The following ANK2 variants were observed in gnomAD, a reference collection of about 807,000 sequenced individuals.
ANK2 encodes ankyrin-2.
ANK2 carries 83 observed loss-of-function variants against 360.5 expected under a neutral mutation model. That is an observed-to-expected ratio of 0.23 (90% CI 0.19 to 0.28). The LOEUF (loss-of-function observed/expected upper bound fraction) is 0.28. ANK2 is among the 10% of genes least tolerant of loss of function. The pLI, the probability that ANK2 is intolerant of heterozygous loss-of-function variation, is 1.00. For synonymous variants in ANK2, 1,740 were observed against 1,759.5 expected (o/e 0.99, Z 0.28); for missense variants, 4,201 against 4,795.7 (o/e 0.88, Z 3.66).
At chr4:113,164,877 A>G (rs1474574208) in intron 1 of ANK2, among the ~76,000 whole-genome samples, 5 of 152,224 alleles carry the variant, frequency 3.3e-5, no homozygotes, top group Non-Finnish European at 7.3e-5. Context: ...GGGAATGAAA[A>G]GAGTTTTGTA....
chr4:113,331,057 C>T (rs541622873), intron 27 of ANK2, among the ~76,000 whole-genome samples: 119 of 152,238 alleles, frequency 7.8e-4, no homozygotes, highest in African/African-American at 2.7e-3. Context: ...CAATTTTGAG[C>T]AGAATTTAGC....
chr4:113,051,581 A>G (rs917333699), intron 1 of ANK2, among the ~76,000 whole-genome samples: 27 of 152,222 alleles, frequency 1.8e-4, no homozygotes, highest in African/African-American at 6.0e-4. Flanking sequence ...TGAGTGTTAA[A>G]AGGAGTTTCA....
chr4:113,363,329 A>G lies in ANK2; in HGVS notation c.10757-9A>G, dbSNP rs2096340478. 1 of 1,612,476 alleles carries G rather than the reference A, an allele frequency of 6.2e-7. No homozygotes were observed. The highest frequency in any genetic ancestry group is 8.5e-7 in the Non-Finnish European group (1 of 1,179,200). On this transcript the variant is annotated splice_polypyrimidine_tract_variant and intron_variant, in intron 39 of 45. Coordinates refer to ENST00000357077, the MANE Select transcript of ANK2 (RefSeq NM_001148.6). ...TAATGTGTTTACAAAGTAGTATTTT[A>G]TCTTCTAGAATTAGCAAGAGAACTG...
the ANK2 span, among the ~76,000 whole-genome samples, chr4:112,757,332 C>G: frequency 6.6e-6 from 1 of 151,990 alleles, no homozygotes. Context: ...GTTGGCCAGG[C>G]TGGTCTCGAA....
chr4:112,915,503 C>G (rs1429814232), intron 2 of ANK2, among the ~76,000 whole-genome samples: 5 of 152,064 alleles, frequency 3.3e-5, no homozygotes, highest in Non-Finnish European at 7.4e-5. Context: ...ATAGTCCCAA[C>G]ACTTTGGGAG....
chr4:112,793,412 A>T, the ANK2 span, among the ~76,000 whole-genome samples: 1 of 152,162 alleles, frequency 6.6e-6, no homozygotes. Context: ...AGAGAATTTA[A>T]TGATACTAAG....
At chr4:112,705,645 G>A in the ANK2 span, among the ~76,000 whole-genome samples, 1 of 152,254 alleles carries the variant, frequency 6.6e-6, no homozygotes, top group Non-Finnish European at 1.5e-5. Flanking sequence ...GAGCGCCCGC[G>A]GAGGAGCCTC....
At chr4:113,233,826 C>G (rs1331442008) in intron 5 of ANK2, among the ~76,000 whole-genome samples, 2 of 151,992 alleles carry the variant, frequency 1.3e-5, no homozygotes, top group East Asian at 3.9e-4. Flanking sequence ...GTTCTCTATT[C>G]AATACACACA....
chr4:113,265,134 A>G, intron 14 of ANK2, 139 bp downstream of exon 14: 1 of 845,222 alleles, frequency 1.2e-6, no homozygotes. Flanking sequence ...GCAGTTTTCC[A>G]GAAAAAAAAA....
intron 1 of ANK2, among the ~76,000 whole-genome samples, chr4:112,863,363 T>C (rs2068785762): frequency 6.6e-6 from 1 of 152,102 alleles, no homozygotes; most frequent in Admixed American, 6.5e-5. Flanking sequence ...AATAATTATG[T>C]ATTACTCCTA....
At chr4:113,367,450 C>T (rs1367364036) in intron 41 of ANK2, 116 bp from the exon 42 acceptor site, 62 of 964,750 alleles carry the variant, frequency 6.4e-5, no homozygotes, top group Non-Finnish European at 8.9e-5. Context: ...GGGCCCATCT[C>T]AGGATGTAGC....
rs369452900 is a variant in ANK2, at chr4:113,304,480, T to C, written c.2548+1641T>C. Among the ~76,000 whole-genome samples, 25 of 152,316 alleles carry C rather than the reference T, an allele frequency of 1.6e-4. No homozygotes were observed. In the East Asian group the frequency reaches 3.5e-3, roughly 21 times the overall value. On this transcript the variant is annotated intron_variant, in intron 23 of 45. Transcript: ENST00000357077. ...CTTAGAAGCCTAAAGTCATGAATTG[T>C]TTGTACTGTTAATGATTTTGCAACT...
chr4:112,783,465 A>G, the ANK2 span, among the ~76,000 whole-genome samples: 2 of 152,084 alleles, frequency 1.3e-5, no homozygotes, highest in South Asian at 4.1e-4. Flanking sequence ...AACTCTCATC[A>G]TTCCCATGCA....
At chr4:113,134,842 C>T (rs548524739) in intron 1 of ANK2, among the ~76,000 whole-genome samples, 2 of 152,092 alleles carry the variant, frequency 1.3e-5, no homozygotes, top group South Asian at 4.2e-4. Flanking sequence ...TAGAACTTTG[C>T]CATGTAGTTT....
At chr4:113,281,350 CA>C (rs2062252960) in intron 17 of ANK2, among the ~76,000 whole-genome samples, 1 of 151,910 alleles carries the variant, frequency 6.6e-6, no homozygotes, top group South Asian at 2.1e-4. Flanking sequence ...CCAGCCTGGG[CA>C]ACATGGTGAA....
the ANK2 span, chr4:112,788,529 C>T: frequency 1.5e-5 from 23 of 1,577,720 alleles, no homozygotes; most frequent in Middle Eastern, 2.3e-4. Context: ...GCTTTCTTCT[C>T]GGCCTGGGCC....
At position 113,358,966 on chromosome 4, in the gene ANK2, A is replaced by G. The variant is rs2096014347; in HGVS notation, c.10348A>G (p.Thr3450Ala). The G allele has an allele frequency of 6.2e-7, 1 of 1,614,094 alleles. No individual in the cohort carries two copies. The highest frequency in any genetic ancestry group is 1.3e-5 in the African/African-American group (1 of 75,044). The change falls in exon 38 of 46, where the codon ACA becomes GCA. Residue 3450 changes from threonine (T) to alanine (A), a missense_variant. Thr to Ala is a moderately conservative substitution (Grantham distance 58). Around this residue, in one of 4 missense-constraint regions of ANK2, gnomAD observed 2,642 missense variants for 2,714.5 expected, o/e 0.97. Coordinates refer to ENST00000357077, the MANE Select transcript of ANK2 (RefSeq NM_001148.6). ...ATTGCCAGTTAAGAGCAGAAGCACT[A>G]CATCTTCCTGCAGGGGGGGCACGAG... ...SRLPVKSRST[T>A]SSCRGGTSPT...
At chr4:112,961,236 A>C (rs2034649859) in intron 2 of ANK2, among the ~76,000 whole-genome samples, 1 of 152,136 alleles carries the variant, frequency 6.6e-6, no homozygotes, top group African/African-American at 2.4e-5. Context: ...GGAAGAAAGC[A>C]TCTCTGGATT....
chr4:112,728,379 TGAACCTA>T, the ANK2 span, among the ~76,000 whole-genome samples: 18 of 151,476 alleles, frequency 1.2e-4, no homozygotes, highest in South Asian at 3.8e-3. Flanking sequence ...TCAACAAATT[TGAACCTA>T]GAAACAAATT....
Sources: gnomAD v4.1 joint callset for allele counts (sites outside exome capture counted in the v4.1 genomes callset) on GRCh38, gnomAD v4.1.1 for gene constraint, gnomAD v4.1.1 regional missense constraint, MANE v1.5 for transcripts, NCBI Gene and HGNC (gene_info 2026-07-23, HGNC 2026-07-21) for gene names.